The following PADI2 variants were observed in gnomAD, a reference collection of about 807,000 sequenced individuals.
PADI2 encodes the protein peptidyl arginine deiminase 2, also known as protein-arginine deiminase type-2.
PADI2 carries 70 observed loss-of-function variants against 81.1 expected under a neutral mutation model. That is an observed-to-expected ratio of 0.86 (90% CI 0.71 to 1.05). The LOEUF (loss-of-function observed/expected upper bound fraction) is 1.05, where lower values mean the gene tolerates loss of function less well. PADI2 is among the 50% of genes least tolerant of loss of function. PADI2 has a pLI of 0.00. For synonymous variants in PADI2, 338 were observed against 358.0 expected (o/e 0.94, Z 0.63); for missense variants, 853 against 889.9 (o/e 0.96, Z 0.53).
chr1:17,105,839 C>A (rs1931356970), intron 1 of PADI2, among the ~76,000 whole-genome samples: 1 of 152,174 alleles, frequency 6.6e-6, no homozygotes, highest in African/African-American at 2.4e-5. Flanking sequence ...ATCTCTTGGG[C>A]CAATCTTGCA....
At chr1:17,110,464 A>C (rs974262785) in intron 1 of PADI2, among the ~76,000 whole-genome samples, 1 of 152,070 alleles carries the variant, frequency 6.6e-6, no homozygotes, top group African/African-American at 2.4e-5. Context: ...TGTATTACAC[A>C]AGTGATTTAA....
intron 9 of PADI2, chr1:17,083,417 A>G (rs1196598077): frequency 2.3e-5 from 7 of 306,128 alleles, no homozygotes. Context: ...CTTAACTTGA[A>G]GCACATCCTG....
At chr1:17,074,999 A>T (rs2078291670) in intron 12 of PADI2, 50 bp from the exon 13 acceptor site, 2 of 1,253,856 alleles carry the variant, frequency 1.6e-6, no homozygotes, top group African/African-American at 1.5e-5. Flanking sequence ...AAGGCACCCA[A>T]GGAGCACGGG....
intron 4 of PADI2, among the ~76,000 whole-genome samples, chr1:17,095,542 C>T (rs923721164): frequency 3.9e-5 from 6 of 152,166 alleles, no homozygotes; most frequent in African/African-American, 7.2e-5. Context: ...ATGATGAATG[C>T]GACCCTCTGT....
At chr1:17,105,398 TG>T (rs558164752) in intron 1 of PADI2, among the ~76,000 whole-genome samples, 4,225 of 151,104 alleles carry the variant, frequency 0.028, 142 homozygotes, top group African/African-American at 0.077. Flanking sequence ...TCTTCTTTTT[TG>T]TGTGTGTGTG....
intron 3 of PADI2, among the ~76,000 whole-genome samples, chr1:17,102,751 T>TGC (rs1553183543): frequency 3.6e-5 from 5 of 139,516 alleles, no homozygotes; most frequent in East Asian, 4.2e-4. Flanking sequence ...CCTTGACACT[T>TGC]GGGGGGGGGT....
Position 17,068,981 on chromosome 1 carries a change from G to T in PADI2, c.*63C>A. 1.6e-6 allele frequency: 2 copies of T among 1,227,544 alleles called. No homozygotes were observed. Among genetic ancestry groups the T allele is most frequent in the Non-Finnish European group, 2.4e-6 (2 of 828,704 alleles). The allele number at this position is 1,227,544 out of a possible 1,614,324, so 76.0% of individuals were successfully genotyped here. The stretch of plus-strand genomic sequence containing the variant: ...CCAGTCCATGTCAGCAGAAGGCTCT[G>T]GGCGTGTGAGGGAGGGTCTGGAGAA... On this transcript the variant is annotated 3_prime_UTR_variant, in exon 16 of 16. Transcript: ENST00000375486.
intron 1 of PADI2, among the ~76,000 whole-genome samples, chr1:17,117,677 G>A (rs938661303): frequency 2.0e-5 from 3 of 152,230 alleles, no homozygotes; most frequent in African/African-American, 4.8e-5. Context: ...GGGCGCCTGA[G>A]CAGGAACCCT....
rs777907483 is a variant in PADI2, at chr1:17,105,049, G to A, written c.105C>T (p.Ala35=). The part of the protein sequence containing the change: ...LWTDVYSAAP[A]GAQTFSLKHS... ...GCTTCAGGCTGAAGGTTTGGGCCCCGGCTGGGGCCGCGCTGTGGGGAGAGA... is the reference window on the plus strand; with the variant it reads ...GCTTCAGGCTGAAGGTTTGGGCCCCAGCTGGGGCCGCGCTGTGGGGAGAGA... The change falls in exon 2 of 16, where the codon GCC becomes GCT. Residue 35 remains alanine, a synonymous_variant. Transcript: ENST00000375486. 4.0e-5 allele frequency: 64 copies of A among 1,580,336 alleles called. No individual in the cohort carries two copies. Among genetic ancestry groups the A allele is most frequent in the South Asian group, 2.7e-4 (24 of 89,026 alleles).
In PADI2 at chr1:17,069,148, T is replaced by C. The variant is rs1035064350; in HGVS notation, c.1894A>G (p.Ile632Val). Residue 632 changes from isoleucine (I) to valine (V), a missense_variant, in exon 16 of 16, where the codon ATC (isoleucine) becomes GTC (valine). Coordinates refer to ENST00000375486, the MANE Select transcript of PADI2 (RefSeq NM_007365.3). The part of the protein sequence containing the change: ...LEPLGLECTF[I>V]DDISAYHKFL... Reference sequence around the variant, plus strand: ...TTGTGGTAGGCAGAAATGTCGTCGATGAAGGTGCATTCGAGGCCCAGGGGC... The same window carrying C: ...TTGTGGTAGGCAGAAATGTCGTCGACGAAGGTGCATTCGAGGCCCAGGGGC... The C allele has an allele frequency of 6.2e-7, 1 of 1,614,112 alleles. No individual in the cohort carries two copies. Among genetic ancestry groups the C allele is most frequent in the Non-Finnish European group, 8.5e-7 (1 of 1,180,044 alleles).
chr1:17,069,263 C>T lies in PADI2; in HGVS notation c.1779G>A (p.Val593=). The T allele has an allele frequency of 6.2e-7, 1 of 1,614,066 alleles. No individual in the cohort carries two copies. Among genetic ancestry groups the T allele is most frequent in the South Asian group, 1.1e-5 (1 of 91,084 alleles). ...TGGGGATGCCCAGGTCCTTGTCCAG[C>T]ACGATCATGTTCACCTGTGACGGGG... ...AFFPNMVNMI[V]LDKDLGIPKP... is the part of the protein sequence containing the mutation. Residue 593 remains valine, a synonymous_variant, in exon 16 of 16, where the codon GTG becomes GTA. Transcript: ENST00000375486.
At chr1:17,070,366 C>T in intron 14 of PADI2, 150 bp from the exon 15 acceptor site, 1 of 889,524 alleles carries the variant, frequency 1.1e-6, no homozygotes, top group Non-Finnish European at 1.7e-6. Flanking sequence ...GCAGCCTCTC[C>T]CTGGCCCTGT....
chr1:17,094,498 G>A (rs1375671778), intron 4 of PADI2, among the ~76,000 whole-genome samples: 2 of 152,076 alleles, frequency 1.3e-5, no homozygotes, highest in African/African-American at 4.8e-5. Context: ...AGCTTCCCCG[G>A]GTCCACACCT....
Position 17,070,071 on chromosome 1 carries a change from G to T in PADI2, c.1764+17C>A. On this transcript the variant is annotated intron_variant, in intron 15 of 15. Transcript: ENST00000375486. ...TGTACTGGCATGGGGCGAGGGTTGG[G>T]GTCTGCAGGGCCTCACCATGTTTGG... The T allele has an allele frequency of 1.2e-6, 2 of 1,612,520 alleles. No homozygotes were observed. Among genetic ancestry groups the T allele is most frequent in the Non-Finnish European group, 1.7e-6 (2 of 1,178,960 alleles).
rs1931295810 is a variant in PADI2 at position 17,104,734 on chromosome 1, C to G, written c.276+144G>C. 3 of 668,522 alleles carry G rather than the reference C, an allele frequency of 4.5e-6. No homozygotes were observed. In the South Asian group the frequency reaches 1.0e-4, roughly 23 times the overall value. The allele number at this position is 668,522 out of a possible 1,614,324, so 41.4% of individuals were successfully genotyped here. On this transcript the variant is annotated intron_variant, in intron 2 of 15. Coordinates refer to ENST00000375486, the MANE Select transcript of PADI2 (RefSeq NM_007365.3). ...AGGCTTGAGCTACTGCGCCCGGCCT[C>G]TTTTTGCCTTTTCAATGTGGTTACT...
intron 14 of PADI2, 92 bp downstream of exon 14, chr1:17,071,314 G>T: frequency 2.2e-6 from 2 of 909,684 alleles, no homozygotes; most frequent in Non-Finnish European, 1.8e-6. Flanking sequence ...CTGAGCCCTT[G>T]GCCATTCTCT....
chr1:17,069,080 C>T lies in PADI2; in HGVS notation c.1962G>A (p.Lys654=), dbSNP rs117667852. ...EVHCGTNVRR[K]PFTFKWWHMV... ...TGTGCCACCACTTGAAGGTGAAGGG[C>T]TTCCTGCGGACGTTGGTGCCACAGT... is the stretch of plus-strand genomic sequence containing the variant. The change falls in exon 16 of 16, where the codon AAG becomes AAA. Residue 654 remains lysine (K), a synonymous_variant. Coordinates refer to ENST00000375486, the MANE Select transcript of PADI2 (RefSeq NM_007365.3). 2.6e-4 allele frequency: 421 copies of T among 1,614,228 alleles called. No homozygotes were observed. The East Asian group carries it at 8.3e-3, about 32-fold the overall frequency.
At chr1:17,100,809 G>A (rs1034958869) in intron 3 of PADI2, among the ~76,000 whole-genome samples, 2 of 151,712 alleles carry the variant, frequency 1.3e-5, no homozygotes, top group African/African-American at 4.8e-5. Context: ...CTACAGGTGC[G>A]TGCCACCACG....
At chr1:17,090,623 G>C (rs1930656931) in intron 6 of PADI2, among the ~76,000 whole-genome samples, 1 of 150,778 alleles carries the variant, frequency 6.6e-6, no homozygotes, top group Non-Finnish European at 1.5e-5. Context: ...GTGTGTCTAA[G>C]AGTTTTCACC....
Sources: allele counts gnomAD v4.1 joint callset (sites outside exome capture counted in the v4.1 genomes callset), GRCh38; gene constraint gnomAD v4.1.1; transcripts MANE v1.5; gene names NCBI Gene and HGNC (gene_info 2026-07-23, HGNC 2026-07-21).